KCNAB1: variants seen among roughly 807,000 people sequenced by gnomAD.
KCNAB1 encodes potassium voltage-gated channel subfamily A regulatory beta subunit 1, also known as voltage-gated potassium channel subunit beta-1.
In KCNAB1, 35 loss-of-function variants were observed where a neutral mutation model predicts 64.6. That is an observed-to-expected ratio of 0.54 (90% CI 0.41 to 0.72). KCNAB1 has a LOEUF of 0.72. KCNAB1 is among the 30% of genes least tolerant of loss of function. KCNAB1 has a pLI of 0.00. For synonymous variants in KCNAB1, 177 were observed against 183.8 expected (o/e 0.96, Z 0.30); for missense variants, 401 against 512.9 (o/e 0.78, Z 2.11).
intron 1 of KCNAB1, among the ~76,000 whole-genome samples, chr3:156,417,890 AGC>A (rs1715190670): frequency 6.6e-6 from 1 of 152,198 alleles, no homozygotes. Flanking sequence ...GCTCTCAAGA[AGC>A]TATATCCCTT....
chr3:156,234,577 T>C (rs1716742463), intron 1 of KCNAB1, among the ~76,000 whole-genome samples: 1 of 151,826 alleles, frequency 6.6e-6, no homozygotes, highest in African/African-American at 2.4e-5. Flanking sequence ...TGGGGATGGG[T>C]TGGGGGGGTG....
chr3:156,300,502 G>T (rs371003752), intron 1 of KCNAB1, among the ~76,000 whole-genome samples: 1 of 152,132 alleles, frequency 6.6e-6, no homozygotes, highest in Admixed American at 6.5e-5. Context: ...CTCAGTGCTG[G>T]ATACAATTCC....
Position 156,494,469 on chromosome 3 carries a change from C to G in KCNAB1, c.658+19649C>G, listed in dbSNP as rs535511461. 3.9e-4 allele frequency among the ~76,000 whole-genome samples: 60 copies of G among 152,246 alleles called. 2 individuals carry two copies. In the South Asian group the frequency reaches 0.012, roughly 30 times the overall value. On this transcript the variant is annotated intron_variant, in intron 8 of 13. Transcript: ENST00000490337. ...CCTATTCTGCATGGTGCCTCCTTCT[C>G]TACTCAGCACTTATCTTTTCCTGCT...
chr3:156,342,585 C>CTTTT (rs60982892), intron 1 of KCNAB1, among the ~76,000 whole-genome samples: 3 of 86,260 alleles, frequency 3.5e-5, no homozygotes, highest in Admixed American at 1.3e-4. Context: ...CTATGTGTTT[C>CTTTT]TTTTTTTTTT....
intron 1 of KCNAB1, among the ~76,000 whole-genome samples, chr3:156,193,449 C>A (rs192508465): frequency 1.1e-3 from 161 of 152,180 alleles, no homozygotes; most frequent in Non-Finnish European, 1.8e-3. Context: ...GGGTTCTGAG[C>A]ATGTTTAAAG....
intron 1 of KCNAB1, 97 bp from the exon 2 acceptor site, chr3:156,421,519 T>C (rs1304101083): frequency 2.4e-6 from 3 of 1,258,288 alleles, no homozygotes; most frequent in Admixed American, 1.7e-5. Flanking sequence ...TCAGGACTCA[T>C]CAAGAATCTG....
chr3:156,537,047 C>T lies in KCNAB1; in HGVS notation c.*300C>T. On this transcript the variant is annotated 3_prime_UTR_variant, in exon 14 of 14. Transcript: ENST00000490337. Reference sequence around the variant, plus strand: ...TGGGGGCCAGGGGGTGTGGTACTACCTTCAGGCATTTGGTAACTCAAAGAA... The same window carrying T: ...TGGGGGCCAGGGGGTGTGGTACTACTTTCAGGCATTTGGTAACTCAAAGAA... 2.3e-6 allele frequency: 1 copy of T among 439,070 alleles called. No individual in the cohort carries two copies. Among genetic ancestry groups the T allele is most frequent in the Non-Finnish European group, 4.0e-6 (1 of 250,562 alleles). The allele number at this position is 439,070 out of a possible 1,614,324, so 27.2% of individuals were successfully genotyped here. A position where few individuals can be genotyped will look rare whatever the true frequency, so the allele number is the denominator to read the frequency against.
intron 1 of KCNAB1, among the ~76,000 whole-genome samples, chr3:156,345,348 A>G (rs879601588): frequency 2.0e-5 from 3 of 152,264 alleles, no homozygotes; most frequent in Non-Finnish European, 4.4e-5. Context: ...TAATACAAGG[A>G]AAAACTCAAA....
At chr3:156,309,095 CT>C (rs1721707269) in intron 1 of KCNAB1, among the ~76,000 whole-genome samples, 2 of 152,132 alleles carry the variant, frequency 1.3e-5, no homozygotes, top group African/African-American at 4.8e-5. Context: ...AACATTTCAT[CT>C]GGAAATGTAT....
chr3:156,397,616 C>CA (rs1713557735), intron 1 of KCNAB1, among the ~76,000 whole-genome samples: 1 of 151,984 alleles, frequency 6.6e-6, no homozygotes, highest in Non-Finnish European at 1.5e-5. Flanking sequence ...TGTTTCCTTC[C>CA]CTTTTTTTTT....
chr3:156,365,479 A>G (rs1725891061), intron 1 of KCNAB1, among the ~76,000 whole-genome samples: 1 of 152,234 alleles, frequency 6.6e-6, no homozygotes, highest in African/African-American at 2.4e-5. Flanking sequence ...AAGGCATTAT[A>G]GTGCCTCCAA....
At chr3:156,192,478 G>GT (rs947154253) in intron 1 of KCNAB1, among the ~76,000 whole-genome samples, 32 of 152,170 alleles carry the variant, frequency 2.1e-4, no homozygotes, top group African/African-American at 7.0e-4. Flanking sequence ...TGTTGTTAGG[G>GT]TTTTTTATAA....
At chr3:156,363,885 G>C (rs192501482) in intron 1 of KCNAB1, among the ~76,000 whole-genome samples, 5 of 152,300 alleles carry the variant, frequency 3.3e-5, no homozygotes, top group African/African-American at 1.2e-4. Flanking sequence ...TGACTAGAAA[G>C]CTCTAAGACA....
chr3:156,168,940 A>T (rs1283539886), intron 1 of KCNAB1, among the ~76,000 whole-genome samples: 4 of 152,122 alleles, frequency 2.6e-5, no homozygotes, highest in Non-Finnish European at 1.5e-5. Flanking sequence ...TGCCTCCATG[A>T]CTCTGATGAA....
At chr3:156,266,560 T>C (rs1184944973) in intron 1 of KCNAB1, among the ~76,000 whole-genome samples, 1 of 152,226 alleles carries the variant, frequency 6.6e-6, no homozygotes, top group Non-Finnish European at 1.5e-5. Context: ...AAGCTTCTCT[T>C]TTCTTTACTA....
chr3:156,122,898 C>A (rs192697965), intron 1 of KCNAB1, among the ~76,000 whole-genome samples: 5 of 152,312 alleles, frequency 3.3e-5, no homozygotes, highest in African/African-American at 9.6e-5. Context: ...AACTTTTTTA[C>A]CTCTCAAATG....
At chr3:156,337,299 C>T (rs1723779534) in intron 1 of KCNAB1, among the ~76,000 whole-genome samples, 1 of 152,188 alleles carries the variant, frequency 6.6e-6, no homozygotes, top group Non-Finnish European at 1.5e-5. Context: ...AGCTTTAGCA[C>T]TATTTGCCAA....
intron 8 of KCNAB1, among the ~76,000 whole-genome samples, chr3:156,504,642 G>C (rs148780985): frequency 1.5e-3 from 233 of 151,618 alleles, no homozygotes; most frequent in Non-Finnish European, 2.6e-3. Flanking sequence ...TGTTTTTTTA[G>C]AGACAGGGGC....
chr3:156,452,828 G>C lies in KCNAB1; in HGVS notation c.320-71G>C. Reference sequence around the variant, plus strand: ...ACCTATTGAGGTAGTCCCAAAGTAAGAATTTCCCTTATTACGCACAATATT... The same window carrying C: ...ACCTATTGAGGTAGTCCCAAAGTAACAATTTCCCTTATTACGCACAATATT... On this transcript the variant is annotated intron_variant, in intron 2 of 13. Transcript: ENST00000490337. This position sits in a 1 kb window ranked among gnomAD's most constrained non-coding sequence, Gnocchi z 4.6. 5.8e-6 allele frequency: 7 copies of C among 1,206,588 alleles called. No homozygotes were observed. The highest frequency in any genetic ancestry group is 8.4e-6 in the Non-Finnish European group (7 of 833,408). The allele number at this position is 1,206,588 out of a possible 1,614,324, so 74.7% of individuals were successfully genotyped here.
Sources: allele counts gnomAD v4.1 joint callset (sites outside exome capture counted in the v4.1 genomes callset), GRCh38; gene constraint gnomAD v4.1.1; non-coding constraint Gnocchi (gnomAD v3.1); transcripts MANE v1.5; gene names NCBI Gene and HGNC (gene_info 2026-07-23, HGNC 2026-07-21).